The following MYO1D variants were observed in gnomAD, a reference collection of about 807,000 sequenced individuals.
The protein encoded by MYO1D is unconventional myosin-Id.
MYO1D carries 83 observed loss-of-function variants against 122.0 expected under a neutral mutation model. That is an observed-to-expected ratio of 0.68 (90% CI 0.57 to 0.82). The LOEUF is 0.82. Ranked by LOEUF, MYO1D falls within the 40% of genes least tolerant of loss-of-function variation. MYO1D has a pLI of 0.00. For synonymous variants in MYO1D, 464 were observed against 446.9 expected (o/e 1.04, Z -0.48); for missense variants, 1,157 against 1,269.5 (o/e 0.91, Z 1.35).
intron 16 of MYO1D, among the ~76,000 whole-genome samples, chr17:32,706,297 G>C (rs2089307924): frequency 6.6e-6 from 1 of 152,120 alleles, no homozygotes; most frequent in African/African-American, 2.4e-5. Flanking sequence ...AGTAGAGATG[G>C]GGTTTTGCCA....
intron 1 of MYO1D, among the ~76,000 whole-genome samples, chr17:32,863,328 C>G (rs141312593): frequency 1.3e-5 from 2 of 152,330 alleles, no homozygotes; most frequent in East Asian, 3.9e-4. Flanking sequence ...ATAAAAAATA[C>G]CTCTCAGCAG....
At chr17:32,813,783 G>A (rs1268822739) in intron 1 of MYO1D, among the ~76,000 whole-genome samples, 5 of 152,148 alleles carry the variant, frequency 3.3e-5, no homozygotes, top group Non-Finnish European at 5.9e-5. Flanking sequence ...AGACAGCTGC[G>A]TCCATGGGAT....
At chr17:32,669,842 T>A (rs2088685502) in intron 16 of MYO1D, among the ~76,000 whole-genome samples, 1 of 152,202 alleles carries the variant, frequency 6.6e-6, no homozygotes, top group African/African-American at 2.4e-5. Context: ...TATACACATT[T>A]TATTTAGCTA....
intron 21 of MYO1D, 86 bp from the exon 22 acceptor site, chr17:32,495,001 C>T (rs1184038746): frequency 9.1e-6 from 13 of 1,427,504 alleles, no homozygotes; most frequent in South Asian, 5.6e-5. Flanking sequence ...CCACCATTGG[C>T]TCCGGCGCAG....
intron 21 of MYO1D, among the ~76,000 whole-genome samples, chr17:32,595,768 T>C (rs996611001): frequency 2.0e-5 from 3 of 152,216 alleles, no homozygotes; most frequent in Non-Finnish European, 4.4e-5. Context: ...TACATAAAGC[T>C]TGTATTCCAG....
intron 20 of MYO1D, among the ~76,000 whole-genome samples, chr17:32,637,139 T>C (rs999916378): frequency 2.0e-5 from 3 of 152,240 alleles, no homozygotes; most frequent in African/African-American, 7.2e-5. Context: ...GTTTAACTAT[T>C]TATTGAATTT....
At chr17:32,818,693 T>C (rs973375065) in intron 1 of MYO1D, among the ~76,000 whole-genome samples, 5 of 152,324 alleles carry the variant, frequency 3.3e-5, no homozygotes, top group African/African-American at 9.6e-5. Context: ...GCTATAGCGA[T>C]CTTGGGCAAG....
At chr17:32,692,786 G>A (rs1292440754) in intron 16 of MYO1D, among the ~76,000 whole-genome samples, 1 of 152,160 alleles carries the variant, frequency 6.6e-6, no homozygotes, top group Non-Finnish European at 1.5e-5. Flanking sequence ...ATATAAATCT[G>A]AGCCCTGAGC....
At chr17:32,669,540 TC>T (rs2088681354) in intron 16 of MYO1D, among the ~76,000 whole-genome samples, 1 of 152,206 alleles carries the variant, frequency 6.6e-6, no homozygotes, top group South Asian at 2.1e-4. Context: ...GCATATAAAA[TC>T]CTTACATCAG....
intron 21 of MYO1D, among the ~76,000 whole-genome samples, chr17:32,572,994 A>G (rs749995572): frequency 5.9e-5 from 9 of 152,066 alleles, no homozygotes; most frequent in East Asian, 3.9e-4. Flanking sequence ...CCTTTCTAGA[A>G]TAAGAGCCCT....
intron 1 of MYO1D, among the ~76,000 whole-genome samples, chr17:32,859,905 C>A (rs1239066697): frequency 1.3e-5 from 2 of 152,212 alleles, no homozygotes; most frequent in African/African-American, 4.8e-5. Flanking sequence ...CCCTTCCATA[C>A]AGCCACATGC....
intron 21 of MYO1D, chr17:32,529,991 C>T (rs920709459): frequency 2.6e-5 from 4 of 152,240 alleles, no homozygotes; most frequent in Non-Finnish European, 4.4e-5. Flanking sequence ...CAGTCTGCAT[C>T]ACCTATTCAG....
At chr17:32,781,041 C>G (rs573475767) in intron 1 of MYO1D, among the ~76,000 whole-genome samples, 9 of 152,260 alleles carry the variant, frequency 5.9e-5, no homozygotes, top group Admixed American at 1.3e-4. Flanking sequence ...CTGGGATTTC[C>G]TGTTTCCAAA....
intron 20 of MYO1D, among the ~76,000 whole-genome samples, chr17:32,616,547 AGGCCTCAAGT>A (rs1339281292): frequency 6.7e-6 from 1 of 148,964 alleles, no homozygotes; most frequent in Non-Finnish European, 1.5e-5. Context: ...CTTGAATTCC[AGGCCTCAAGT>A]GGTCCTCCTG....
chr17:32,627,409 A>G (rs1289417960), intron 20 of MYO1D, among the ~76,000 whole-genome samples: 1 of 152,192 alleles, frequency 6.6e-6, no homozygotes, highest in Non-Finnish European at 1.5e-5. Context: ...GATGGGGCAC[A>G]GACCGGCGGG....
At chr17:32,820,724 A>G (rs1352399652) in intron 1 of MYO1D, among the ~76,000 whole-genome samples, 8 of 152,208 alleles carry the variant, frequency 5.3e-5, no homozygotes, top group African/African-American at 1.4e-4. Context: ...AAATATTCTC[A>G]CCATAAACAC....
intron 21 of MYO1D, among the ~76,000 whole-genome samples, chr17:32,544,571 A>G (rs1012024727): frequency 2.6e-5 from 4 of 152,232 alleles, no homozygotes; most frequent in Non-Finnish European, 5.9e-5. Flanking sequence ...AGGTACTCTT[A>G]GAGAATACTA....
intron 1 of MYO1D, among the ~76,000 whole-genome samples, chr17:32,824,586 C>T (rs550225729): frequency 2.0e-5 from 3 of 152,208 alleles, no homozygotes; most frequent in Non-Finnish European, 4.4e-5. Flanking sequence ...ATAATTACCC[C>T]TATTTGACAG....
At chr17:32,514,666 G>A (rs1255281880) in intron 21 of MYO1D, among the ~76,000 whole-genome samples, 1 of 152,150 alleles carries the variant, frequency 6.6e-6, no homozygotes, top group East Asian at 1.9e-4. Flanking sequence ...TTTGAATCAC[G>A]ATGAGGGGCT....
Sources: gnomAD v4.1 joint callset for allele counts (sites outside exome capture counted in the v4.1 genomes callset) on GRCh38, gnomAD v4.1.1 for gene constraint, MANE v1.5 for transcripts, NCBI Gene and HGNC (gene_info 2026-07-23, HGNC 2026-07-21) for gene names.